The following ERCC1 variants were observed in gnomAD, a reference collection of about 807,000 sequenced individuals.
The protein encoded by ERCC1 is DNA excision repair protein ERCC-1.
A neutral mutation model predicts 37.6 loss-of-function variants in ERCC1; 36 were observed. The ratio of observed to expected loss-of-function variants is 0.96; its 90% CI spans 0.73 to 1.26. The LOEUF (loss-of-function observed/expected upper bound fraction) is 1.26, where lower values mean the gene tolerates loss of function less well. Among genes scored for constraint, ERCC1 ranks in the 50% most tolerant of loss-of-function variants. The pLI is 0.00. For synonymous variants in ERCC1, 156 were observed against 162.1 expected, an observed-to-expected ratio of 0.96 and a Z score of 0.28; for missense variants, 349 against 376.5, an observed-to-expected ratio of 0.93 and a Z score of 0.60.
intron 1 of ERCC1, among the ~76,000 whole-genome samples, chr19:45,446,698 G>C (rs1028717385): frequency 6.6e-6 from 1 of 152,084 alleles, no homozygotes; most frequent in African/African-American, 2.4e-5. Context: ...ACATGGAGCC[G>C]GTGTAGAAAG....
At chr19:45,409,899 T>TATTA (rs201059197) in intron 9 of ERCC1, 174 bp from the exon 10 acceptor site, 12,363 of 258,848 alleles carry the variant, frequency 0.048, 799 homozygotes, top group Admixed American at 0.16. Flanking sequence ...ATTATTATTT[T>TATTA]TTTTTTTTTT....
At chr19:45,443,677 G>A (rs1284984994) in intron 1 of ERCC1, among the ~76,000 whole-genome samples, 1 of 152,156 alleles carries the variant, frequency 6.6e-6, no homozygotes, top group Non-Finnish European at 1.5e-5. Context: ...GGAAGTCGCC[G>A]GATGTCCTGG....
In ERCC1 at chr19:45,408,992, C is replaced by T. The variant is rs866543758; in HGVS notation, c.*683G>A. ...AAAGGGACAGATGGCAATGATGGAG[C>T]CAGGGACGGAGGCGATGGAGCCAGT... On this transcript the variant is annotated 3_prime_UTR_variant, in exon 10 of 10. Coordinates refer to ENST00000300853, the MANE Select transcript of ERCC1 (RefSeq NM_001983.4). 6.2e-7 allele frequency: 1 copy of T among 1,613,818 alleles called. No homozygotes were observed. Among genetic ancestry groups the T allele is most frequent in the Admixed American group, 1.7e-5 (1 of 59,976 alleles).
At chr19:45,424,926 T>C (rs916721841), upstream of ERCC1, among the ~76,000 whole-genome samples, 24 of 148,688 alleles carry the variant, frequency 1.6e-4, no homozygotes, top group East Asian at 4.1e-3. Context: ...TTTTTTCTTT[T>C]TTTTTTTTTT....
chr19:45,443,783 G>T (rs942153652), intron 1 of ERCC1, among the ~76,000 whole-genome samples: 1 of 151,836 alleles, frequency 6.6e-6, no homozygotes, highest in Non-Finnish European at 1.5e-5. Context: ...TTTCCGGCCC[G>T]GTTTAGCCTC....
chr19:45,409,374 A>G lies in ERCC1; in HGVS notation c.*301T>C, dbSNP rs1192343391. ...AAGAAGAGGAAGAAGCAGAGTCAGG[A>G]AAGCCGGATGCCAGAGACAGTGCCC... On this transcript the variant is annotated 3_prime_UTR_variant, in exon 10 of 10. Coordinates refer to ENST00000300853, the MANE Select transcript of ERCC1 (RefSeq NM_001983.4). 5 of 1,613,990 alleles carry G rather than the reference A, an allele frequency of 3.1e-6. No homozygotes were observed. Among genetic ancestry groups the G allele is most frequent in the African/African-American group, 1.3e-5 (1 of 74,914 alleles).
At chr19:45,448,561 A>G (rs1217622206) in intron 1 of ERCC1, among the ~76,000 whole-genome samples, 1 of 152,076 alleles carries the variant, frequency 6.6e-6, no homozygotes, top group Non-Finnish European at 1.5e-5. Context: ...AAAAAAGAAG[A>G]GAGAGGCTGG....
chr19:45,421,472 CTTTCTT>C (rs1974424291), intron 2 of ERCC1, 79 bp from the exon 3 acceptor site: 1 of 998,316 alleles, frequency 1.0e-6, no homozygotes, highest in Admixed American at 2.7e-5. Flanking sequence ...TTCCTCTCCC[CTTTCTT>C]TTTCTTTTTT....
At chr19:45,431,967 A>C (rs942622003) in intron 1 of ERCC1, among the ~76,000 whole-genome samples, 1 of 151,854 alleles carries the variant, frequency 6.6e-6, no homozygotes, top group African/African-American at 2.4e-5. Flanking sequence ...CATTCAATTA[A>C]TTTTTTATTT....
At chr19:45,424,004 A>C (rs1026962171), upstream of ERCC1, 4 of 1,052,678 alleles carry the variant, frequency 3.8e-6, no homozygotes, top group African/African-American at 6.6e-5. Context: ...AGGACCGCGG[A>C]GGTCGTGGGA....
Position 45,420,044 on chromosome 19 carries a change from TC to T in ERCC1, c.425+279del, listed in dbSNP as rs1974313631. 1.0e-5 allele frequency among the ~76,000 whole-genome samples: 1 copy of T among 97,392 alleles called. No homozygotes were observed. The highest frequency in any genetic ancestry group is 3.8e-4 in the South Asian group (1 of 2,628). The allele number at this position is 97,392 out of a possible 152,430, so 63.9% of individuals were successfully genotyped here. A position where few individuals can be genotyped will look rare whatever the true frequency, so the allele number is the denominator to read the frequency against. ...AGGCCCCAGCCCCTCCTCCCTCAGA[TC>T]CCCAGGAGTCCAGCCCTCAGCCCCT... is the stretch of plus-strand genomic sequence containing the variant. On this transcript the variant is annotated intron_variant, in intron 4 of 9. Coordinates refer to ENST00000300853, the MANE Select transcript of ERCC1 (RefSeq NM_001983.4). This position sits in a 1 kb window ranked among gnomAD's most constrained non-coding sequence, Gnocchi z 4.8.
chr19:45,434,135 G>A (rs1974907765), intron 1 of ERCC1, among the ~76,000 whole-genome samples: 1 of 91,962 alleles, frequency 1.1e-5, no homozygotes, highest in Non-Finnish European at 2.0e-5. Context: ...CAGCAAGAAT[G>A]TCTCACACAC....
Position 45,420,227 on chromosome 19 carries a change from G to A in ERCC1, c.425+97C>T. On this transcript the variant is annotated intron_variant, in intron 4 of 9. Transcript: ENST00000300853. The surrounding 1 kb of genome is among the most constrained non-coding windows in gnomAD (Gnocchi z 4.8). ...CCCAGAACCTGCAGGACCATGCCCA[G>A]AGGCTTCTCATAGAACAGTCCAGAA... The A allele has an allele frequency of 6.0e-6, 5 of 837,256 alleles. No homozygotes were observed. Among genetic ancestry groups the A allele is most frequent in the Non-Finnish European group, 1.0e-5 (5 of 501,790 alleles). The allele number at this position is 837,256 out of a possible 1,614,324, so 51.9% of individuals were successfully genotyped here.
In ERCC1 at chr19:45,414,857, T is replaced by C. The variant is rs373044850; in HGVS notation, c.702+4A>G. The C allele has an allele frequency of 3.1e-6, 5 of 1,610,060 alleles. No homozygotes were observed. In the African/African-American group the frequency reaches 6.7e-5, roughly 22 times the overall value. ...GGCAGGGATGGGAGGTGAGGTGGCC[T>C]CACCCGGGAGACGAAGTCCTGCTCT... On this transcript the variant is annotated splice_donor_region_variant and intron_variant, in intron 7 of 9. Transcript: ENST00000300853.
In ERCC1 at chr19:45,419,232, C is replaced by CA. The variant is rs775288464; in HGVS notation, c.426-36dup. On this transcript the variant is annotated intron_variant, in intron 4 of 9. Transcript: ENST00000300853. ...GCAGGGAGCGGGAGTTGAGAGGTCT[C>CA]AGTCTCTTCAAGACCCCCAAAGCCC... 7 of 1,433,392 alleles carry CA rather than the reference C, an allele frequency of 4.9e-6. No homozygotes were observed. In the African/African-American group the frequency reaches 9.8e-5, roughly 20 times the overall value. The allele number at this position is 1,433,392 out of a possible 1,614,324, so 88.8% of individuals were successfully genotyped here.
chr19:45,422,546 G>A (rs1033996968), intron 2 of ERCC1, among the ~76,000 whole-genome samples: 1 of 152,084 alleles, frequency 6.6e-6, no homozygotes, highest in African/African-American at 2.4e-5. Context: ...GCCGAGGTGG[G>A]CGGATCACTT....
Position 45,408,265 on chromosome 19 carries a change from G to C in ERCC1, c.*1410C>G. Reference sequence around the variant, plus strand: ...AAGCGACCCTGCTGGCCCCCTCAACGGAGGCAGGAGGTGGACTCACCTGTG... The same window carrying C: ...AAGCGACCCTGCTGGCCCCCTCAACCGAGGCAGGAGGTGGACTCACCTGTG... On this transcript the variant is annotated 3_prime_UTR_variant, in exon 10 of 10. Coordinates refer to ENST00000300853, the MANE Select transcript of ERCC1 (RefSeq NM_001983.4). 6.2e-7 allele frequency: 1 copy of C among 1,614,078 alleles called. No homozygotes were observed. The highest frequency in any genetic ancestry group is 8.5e-7 in the Non-Finnish European group (1 of 1,180,000).
intron 2 of ERCC1, among the ~76,000 whole-genome samples, chr19:45,422,038 C>T (rs1262348384): frequency 1.3e-5 from 2 of 152,082 alleles, no homozygotes; most frequent in Non-Finnish European, 2.9e-5. Context: ...ACTCCTCAGC[C>T]TCCACTCTGG....
chr19:45,434,058 C>T (rs1204585263), intron 1 of ERCC1, among the ~76,000 whole-genome samples: 1 of 147,414 alleles, frequency 6.8e-6, no homozygotes, highest in Non-Finnish European at 1.5e-5. Context: ...GCAGGAGAAT[C>T]ACTTGAACCC....
Sources: gnomAD v4.1 joint callset for allele counts (sites outside exome capture counted in the v4.1 genomes callset) on GRCh38, gnomAD v4.1.1 for gene constraint, Gnocchi (gnomAD v3.1) non-coding constraint, MANE v1.5 for transcripts, NCBI Gene and HGNC (gene_info 2026-07-23, HGNC 2026-07-21) for gene names.